GUCY1A2: variants seen among roughly 807,000 people sequenced by gnomAD.
The protein encoded by GUCY1A2 is guanylate cyclase soluble subunit alpha-2.
A neutral mutation model predicts 63.5 loss-of-function variants in GUCY1A2; 27 were observed. The ratio of observed to expected loss-of-function variants is 0.43; its 90% confidence interval spans 0.31 to 0.59. The LOEUF (loss-of-function observed/expected upper bound fraction) is 0.59. GUCY1A2 is among the 20% of genes least tolerant of loss of function. The pLI is 0.11. For missense variants in GUCY1A2, 768 were observed against 913.3 expected, an observed-to-expected ratio of 0.84 and a Z score of 2.05; for synonymous variants, 364 against 343.5, an observed-to-expected ratio of 1.06 and a Z score of -0.66.
At chr11:106,746,911 C>T (rs186497272) in intron 6 of GUCY1A2, among the ~76,000 whole-genome samples, 3 of 152,258 alleles carry the variant, frequency 2.0e-5, no homozygotes, top group African/African-American at 4.8e-5. Flanking sequence ...AAAAATGGCA[C>T]GCTGGGCAAA....
chr11:106,820,043 T>C (rs1858880868), intron 4 of GUCY1A2, among the ~76,000 whole-genome samples: 1 of 152,166 alleles, frequency 6.6e-6, no homozygotes, highest in Non-Finnish European at 1.5e-5. Context: ...AAAACATAAA[T>C]AAATAAAAAT....
chr11:106,808,655 C>A (rs66477688), intron 5 of GUCY1A2, among the ~76,000 whole-genome samples: 70 of 71,974 alleles, frequency 9.7e-4, no homozygotes, highest in Non-Finnish European at 8.0e-4. Flanking sequence ...ACAAAAAAAA[C>A]ATGACTGCTT....
intron 5 of GUCY1A2, among the ~76,000 whole-genome samples, chr11:106,800,759 G>A (rs1864861182): frequency 6.6e-6 from 1 of 151,906 alleles, no homozygotes; most frequent in African/African-American, 2.4e-5. Flanking sequence ...GAAGGGGGAG[G>A]GATAGCATTA....
rs540971574 is a variant in GUCY1A2 at position 106,994,119 on chromosome 11, A to G, written c.304-7988T>C. Among the ~76,000 whole-genome samples the G allele has an allele frequency of 3.3e-5, 5 of 152,308 alleles. No individual in the cohort carries two copies. In the South Asian group the frequency reaches 1.0e-3, roughly 32 times the overall value. Reference sequence around the variant, plus strand: ...ATTAGAGCTTGGGGTAAATGTTGACATTATGCTAATTGACCCATCTGGGGA... The same window carrying G: ...ATTAGAGCTTGGGGTAAATGTTGACGTTATGCTAATTGACCCATCTGGGGA... On this transcript the variant is annotated intron_variant, in intron 1 of 7. Transcript: ENST00000526355.
chr11:106,706,561 A>G (rs1862916016), intron 7 of GUCY1A2, among the ~76,000 whole-genome samples: 1 of 149,462 alleles, frequency 6.7e-6, no homozygotes, highest in Non-Finnish European at 1.5e-5. Context: ...TTTTTTTTTA[A>G]TACATCACTA....
chr11:106,677,775 T>A lies in GUCY1A2; in HGVS notation c.*9774A>T. The A allele has an allele frequency of 4.7e-6, 1 of 211,092 alleles. No individual in the cohort carries two copies. Among genetic ancestry groups the A allele is most frequent in the Non-Finnish European group, 9.6e-6 (1 of 103,924 alleles). 13.1% of individuals were successfully genotyped at this position (211,092 alleles called of 1,614,324 possible). A position where few individuals can be genotyped will look rare whatever the true frequency, so the allele number is the denominator to read the frequency against. On this transcript the variant is annotated 3_prime_UTR_variant, in exon 8 of 8. Coordinates refer to ENST00000526355, the MANE Select transcript of GUCY1A2 (RefSeq NM_000855.3). ...ATGTAAGCAAAGTCTGATTTTTGTG[T>A]CTCTTTCCATCTTCTCTACTGGTAT...
chr11:107,000,031 TCCA>T (rs1038714517), intron 1 of GUCY1A2, among the ~76,000 whole-genome samples: 4 of 152,326 alleles, frequency 2.6e-5, no homozygotes, highest in Non-Finnish European at 5.9e-5. Context: ...AGCAGCCTCC[TCCA>T]CCACAATTCA....
Position 106,725,333 on chromosome 11 carries a change from C to T in GUCY1A2, c.1837-16667G>A, listed in dbSNP as rs1381547234. 3.7e-5 allele frequency among the ~76,000 whole-genome samples: 4 copies of T among 109,080 alleles called. 1 individual carries two copies. The highest frequency in any genetic ancestry group is 6.0e-5 in the Non-Finnish European group (3 of 50,088). 71.6% of individuals were successfully genotyped at this position (109,080 alleles called of 152,430 possible). A position where few individuals can be genotyped will look rare whatever the true frequency, so the allele number is the denominator to read the frequency against. ...GACTACAGGCGCCCGCCACTACGCC[C>T]GGCTAATTTTTTGTATTTTTAGTAG... is the stretch of plus-strand genomic sequence containing the variant. On this transcript the variant is annotated intron_variant, in intron 6 of 7. Coordinates refer to ENST00000526355, the MANE Select transcript of GUCY1A2 (RefSeq NM_000855.3).
intron 6 of GUCY1A2, among the ~76,000 whole-genome samples, chr11:106,729,842 T>C (rs1401747249): frequency 6.6e-6 from 1 of 151,720 alleles, no homozygotes; most frequent in African/African-American, 2.4e-5. Context: ...CACATTGTAT[T>C]TTAATTATTT....
In GUCY1A2 at chr11:106,978,674, G is replaced by T; in HGVS notation, c.432C>A (p.Asn144Lys). Residue 144 changes from asparagine to lysine, a missense_variant, in exon 3 of 8, where the codon AAC becomes AAA. Physicochemically the swap from Asn to Lys is moderately conservative, Grantham distance 94. Transcript: ENST00000526355. ...SNRCSYADHS[N>K]KEEIEDVSGI... ...CTGAGACATCTTCAATTTCTTCTTT[G>T]TTGGAGTGGTCTGCATAGGAGCATC... is the stretch of plus-strand genomic sequence containing the variant. 1 of 1,569,544 alleles carries T rather than the reference G, an allele frequency of 6.4e-7. No individual in the cohort carries two copies.
intron 1 of GUCY1A2, among the ~76,000 whole-genome samples, chr11:107,015,750 T>C (rs908096090): frequency 3.3e-5 from 5 of 152,122 alleles, no homozygotes; most frequent in African/African-American, 1.2e-4. Context: ...CTCGGGGTCA[T>C]TGGACTCCTG....
chr11:106,810,384 A>G lies in GUCY1A2; in HGVS notation c.1301T>C (p.Met434Thr), dbSNP rs1565297228. ...GTCTGAGAGATGTAGCCCTCGGCCCATGAGTTCATCCAACTTGTCCACACA... is the reference window on the plus strand; with the variant it reads ...GTCTGAGAGATGTAGCCCTCGGCCCGTGAGTTCATCCAACTTGTCCACACA... ...SPCVDKLDEL[M>T]GRGLHLSDIP... The change falls in exon 5 of 8, where the codon ATG (methionine) becomes ACG (threonine). Residue 434 changes from methionine to threonine, a missense_variant. Met to Thr is a moderately conservative substitution (Grantham distance 81, BLOSUM62 -1). Transcript: ENST00000526355. 5 of 1,613,864 alleles carry G rather than the reference A, an allele frequency of 3.1e-6. No individual in the cohort carries two copies. The highest frequency in any genetic ancestry group is 3.4e-6 in the Non-Finnish European group (4 of 1,179,892).
chr11:106,861,065 C>G (rs1859505181), intron 4 of GUCY1A2, among the ~76,000 whole-genome samples: 1 of 151,884 alleles, frequency 6.6e-6, no homozygotes, highest in African/African-American at 2.4e-5. Flanking sequence ...CCTCCTGAGT[C>G]TCCTTGAAAA....
intron 7 of GUCY1A2, among the ~76,000 whole-genome samples, chr11:106,697,787 C>A (rs1042954100): frequency 6.6e-6 from 1 of 152,122 alleles, no homozygotes; most frequent in African/African-American, 2.4e-5. Context: ...ATTAACCATA[C>A]AATATATAGA....
At chr11:106,802,477 A>C (rs1443020519) in intron 5 of GUCY1A2, among the ~76,000 whole-genome samples, 1 of 152,194 alleles carries the variant, frequency 6.6e-6, no homozygotes, top group Non-Finnish European at 1.5e-5. Context: ...AATATGGACT[A>C]ATCTACTAAG....
intron 4 of GUCY1A2, among the ~76,000 whole-genome samples, chr11:106,926,345 C>T (rs1017153252): frequency 2.7e-5 from 4 of 150,302 alleles, no homozygotes; most frequent in African/African-American, 9.8e-5. Context: ...GGCTGAGGCA[C>T]GAGAATTGCT....
intron 3 of GUCY1A2, among the ~76,000 whole-genome samples, chr11:106,968,407 CATAAATGT>C (rs1468791112): frequency 3.9e-5 from 6 of 152,204 alleles, no homozygotes; most frequent in Admixed American, 2.6e-4. Context: ...AGAATAAAAG[CATAAATGT>C]ATAAATATCA....
intron 6 of GUCY1A2, among the ~76,000 whole-genome samples, chr11:106,733,329 A>G (rs969252349): frequency 3.3e-5 from 5 of 152,164 alleles, no homozygotes; most frequent in South Asian, 2.1e-4. Flanking sequence ...TTTGAAAGCC[A>G]TTGTTTAGAG....
At chr11:106,876,094 C>T (rs1859744900) in intron 4 of GUCY1A2, among the ~76,000 whole-genome samples, 2 of 151,874 alleles carry the variant, frequency 1.3e-5, no homozygotes, top group African/African-American at 4.8e-5. Context: ...GTATCTTCCC[C>T]CTTGGAAGAA....
Sources: allele counts gnomAD v4.1 joint callset (sites outside exome capture counted in the v4.1 genomes callset), GRCh38; gene constraint gnomAD v4.1.1; transcripts MANE v1.5; gene names NCBI Gene and HGNC (gene_info 2026-07-23, HGNC 2026-07-21).